The following CASS4 variants were observed in gnomAD, a reference collection of about 807,000 sequenced individuals.
CASS4 encodes cas scaffolding protein family member 4.
Under a neutral mutation model 54.2 loss-of-function variants are expected in CASS4, and 22 were observed. The ratio of observed to expected loss-of-function variants is 0.41; its 90% CI spans 0.29 to 0.58. CASS4 has a LOEUF of 0.58. CASS4 is among the 20% of genes least tolerant of loss of function. The probability of loss-of-function intolerance (pLI) is 0.36; values close to 1 mark genes in which losing one functional copy is unlikely to be tolerated. For synonymous variants in CASS4, 409 were observed against 391.5 expected, an observed-to-expected ratio of 1.04 and a Z score of -0.53; for missense variants, 854 against 986.7, an observed-to-expected ratio of 0.87 and a Z score of 1.80.
intron 1 of CASS4, among the ~76,000 whole-genome samples, chr20:56,420,013 A>G (rs1174299812): frequency 6.6e-6 from 1 of 152,194 alleles, no homozygotes; most frequent in Non-Finnish European, 1.5e-5. Flanking sequence ...ATTGCACTCC[A>G]GCCTGGGCAA....
At chr20:56,426,656 A>G (rs894602967) in intron 1 of CASS4, among the ~76,000 whole-genome samples, 3 of 151,722 alleles carry the variant, frequency 2.0e-5, no homozygotes, top group South Asian at 2.1e-4. Flanking sequence ...GCTCATTGCA[A>G]TCTCCACCTA....
At chr20:56,417,677 T>C (rs182698534) in intron 1 of CASS4, among the ~76,000 whole-genome samples, 1 of 152,290 alleles carries the variant, frequency 6.6e-6, no homozygotes, top group East Asian at 1.9e-4. Flanking sequence ...GAATGGGAGC[T>C]TACAGGGAGT....
intron 1 of CASS4, among the ~76,000 whole-genome samples, chr20:56,432,095 G>A (rs927065653): frequency 2.6e-5 from 4 of 152,108 alleles, no homozygotes; most frequent in Non-Finnish European, 4.4e-5. Flanking sequence ...CAACTTGAAT[G>A]AATTTATTTT....
chr20:56,427,372 C>T (rs6127750), intron 1 of CASS4, among the ~76,000 whole-genome samples: 6,727 of 152,026 alleles, frequency 0.044, 540 homozygotes, highest in East Asian at 0.37. Context: ...ATTTTTCTTA[C>T]GCTCTTGGAA....
rs1341668106 is a variant in CASS4, at chr20:56,430,727, G to A, written c.37-6437G>A. 6.6e-6 allele frequency among the ~76,000 whole-genome samples: 1 copy of A among 152,232 alleles called. No individual in the cohort carries two copies. Among genetic ancestry groups the A allele is most frequent in the African/African-American group, 2.4e-5 (1 of 41,470 alleles). On this transcript the variant is annotated intron_variant, in intron 1 of 5. Transcript: ENST00000679887. This position sits in a 1 kb window ranked among gnomAD's most constrained non-coding sequence, Gnocchi z 4.2. Reference sequence around the variant, plus strand: ...CAGCCTGAGCCCAGCCAAAAGTGGGGTGGTCAGGGGCAGCCTCTGCAAAGG... The same window carrying A: ...CAGCCTGAGCCCAGCCAAAAGTGGGATGGTCAGGGGCAGCCTCTGCAAAGG...
intron 3 of CASS4, among the ~76,000 whole-genome samples, chr20:56,448,517 A>T (rs546581697): frequency 2.0e-5 from 3 of 152,032 alleles, no homozygotes; most frequent in Non-Finnish European, 4.4e-5. Flanking sequence ...AAGTCATTGA[A>T]TGGTCCCATG....
intron 2 of CASS4, among the ~76,000 whole-genome samples, chr20:56,443,127 G>A (rs1406436247): frequency 1.3e-5 from 2 of 151,566 alleles, no homozygotes; most frequent in Admixed American, 6.6e-5. Flanking sequence ...CCAGTGGTCC[G>A]GGACACTCAC....
chr20:56,420,529 C>T (rs1455251365), intron 1 of CASS4, among the ~76,000 whole-genome samples: 1 of 151,456 alleles, frequency 6.6e-6, no homozygotes, highest in African/African-American at 2.4e-5. Context: ...GCTGAGACTA[C>T]TGGTGCACGC....
At chr20:56,421,912 C>T (rs1006105085) in intron 1 of CASS4, among the ~76,000 whole-genome samples, 3 of 152,126 alleles carry the variant, frequency 2.0e-5, no homozygotes, top group Non-Finnish European at 4.4e-5. Flanking sequence ...TCTGTAATCC[C>T]TCAGATGGCT....
rs1368135310 is a variant in CASS4 at position 56,452,951 on chromosome 20, G to A, written c.1775G>A (p.Cys592Tyr). 4.3e-6 allele frequency: 7 copies of A among 1,613,974 alleles called. No individual in the cohort carries two copies. Among genetic ancestry groups the A allele is most frequent in the Non-Finnish European group, 5.9e-6 (7 of 1,180,038 alleles). The part of the protein sequence containing the change: ...ANGRLLFKRN[C>Y]EKEETVQLTP... ...GGAAGGCTCCTTTTTAAGCGGAACT[G>A]TGAAAAGGAAGAGACTGTGCAGTTG... Residue 592 changes from cysteine (C) to tyrosine (Y), a missense_variant, in exon 5 of 6, where the codon TGT becomes TAT. Physicochemically the swap from Cys to Tyr is radical, Grantham distance 194 (BLOSUM62 -2). Transcript: ENST00000679887.
At chr20:56,425,187 G>C (rs1260977571) in intron 1 of CASS4, among the ~76,000 whole-genome samples, 6 of 152,200 alleles carry the variant, frequency 3.9e-5, no homozygotes, top group Non-Finnish European at 8.8e-5. Flanking sequence ...GGGATAGCAG[G>C]AAGGGCAGCG....
At position 56,460,085 on chromosome 20, in the gene CASS4, A is replaced by C. The variant is rs917748583; in HGVS notation, c.*1338A>C. On this transcript the variant is annotated 3_prime_UTR_variant, in exon 6 of 6. Coordinates refer to ENST00000679887, the MANE Select transcript of CASS4 (RefSeq NM_020356.4). ...TCTGTGAGATTGGTACAAATTATGT[A>C]TGTGTCTTGCACCCATAAATATATA... The C allele has an allele frequency of 1.3e-5, 2 of 152,568 alleles. No homozygotes were observed. Among genetic ancestry groups the C allele is most frequent in the African/African-American group, 4.8e-5 (2 of 41,428 alleles). The allele number at this position is 152,568 out of a possible 1,614,324, so 9.5% of individuals were successfully genotyped here.
chr20:56,427,236 C>T (rs2146270801), intron 1 of CASS4, among the ~76,000 whole-genome samples: 1 of 151,160 alleles, frequency 6.6e-6, no homozygotes, highest in Admixed American at 6.6e-5. Flanking sequence ...AATGTTGTTA[C>T]CCACCAGAAA....
intron 2 of CASS4, among the ~76,000 whole-genome samples, chr20:56,440,110 A>C (rs927174): frequency 0.062 from 9,495 of 152,326 alleles, 413 homozygotes; most frequent in Middle Eastern, 0.16. Flanking sequence ...AAGACATAGA[A>C]CCAGACAGTT....
At position 56,452,043 on chromosome 20, in the gene CASS4, C is replaced by T; in HGVS notation, c.867C>T (p.Ser289=). ...FYNPPSGRSR[S]LTPQLNNNVP... is the part of the protein sequence containing the mutation. ...ATCCTCCAAGTGGCAGATCCAGGTC[C>T]CTCACTCCACAACTGAATAACAATG... The change falls in exon 5 of 6, where the codon TCC becomes TCT. Residue 289 remains serine (S), a synonymous_variant. Transcript: ENST00000679887. The T allele has an allele frequency of 6.2e-7, 1 of 1,614,166 alleles. No homozygotes were observed. The highest frequency in any genetic ancestry group is 8.5e-7 in the Non-Finnish European group (1 of 1,180,028).
intron 3 of CASS4, among the ~76,000 whole-genome samples, chr20:56,447,489 G>A (rs1980771625): frequency 6.6e-6 from 1 of 152,200 alleles, no homozygotes; most frequent in Admixed American, 6.5e-5. Context: ...CAAAGGTCCT[G>A]CTCACCTGGT....
In CASS4 at chr20:56,444,446, A is replaced by T. The variant is rs192557655; in HGVS notation, c.460-1454A>T. On this transcript the variant is annotated intron_variant, in intron 2 of 5. Coordinates refer to ENST00000679887, the MANE Select transcript of CASS4 (RefSeq NM_020356.4). ...CTCTCCTCCAGGCCCTGTCTTGCTT[A>T]CCAGCCTGTGCCCAGCCTATATTCA... Among the ~76,000 whole-genome samples, 716 of 152,318 alleles carry T rather than the reference A, an allele frequency of 4.7e-3. 6 individuals carry two copies. The highest frequency in any genetic ancestry group is 0.016 in the African/African-American group (664 of 41,566).
At chr20:56,438,266 G>A (rs1171844680) in intron 2 of CASS4, among the ~76,000 whole-genome samples, 2 of 144,734 alleles carry the variant, frequency 1.4e-5, no homozygotes, top group Non-Finnish European at 1.5e-5. Flanking sequence ...CTCCAGCCTC[G>A]GTGGCAGTGA....
intron 2 of CASS4, among the ~76,000 whole-genome samples, chr20:56,438,868 A>C (rs1348580889): frequency 6.6e-6 from 1 of 152,212 alleles, no homozygotes; most frequent in Non-Finnish European, 1.5e-5. Context: ...AAAAATAAAC[A>C]AACAAACAAA....
Sources: allele counts gnomAD v4.1 joint callset (sites outside exome capture counted in the v4.1 genomes callset), GRCh38; gene constraint gnomAD v4.1.1; non-coding constraint Gnocchi (gnomAD v3.1); transcripts MANE v1.5; gene names NCBI Gene and HGNC (gene_info 2026-07-23, HGNC 2026-07-21).